SPICE1: variants seen among roughly 807,000 people sequenced by gnomAD.
The protein encoded by SPICE1 is spindle and centriole associated protein 1, also known as spindle and centriole-associated protein 1.
Under a neutral mutation model 102.7 loss-of-function variants are expected in SPICE1, and 75 were observed. That is an observed-to-expected ratio of 0.73 (90% CI 0.61 to 0.88). The LOEUF is 0.88. Ranked by LOEUF, SPICE1 falls within the 40% of genes least tolerant of loss-of-function variation. The pLI, the probability that SPICE1 is intolerant of heterozygous loss-of-function variation, is 0.00. For synonymous variants in SPICE1, 308 were observed against 350.3 expected, an observed-to-expected ratio of 0.88 and a Z score of 1.35; for missense variants, 979 against 1,020.1, an observed-to-expected ratio of 0.96 and a Z score of 0.55.
intron 7 of SPICE1, among the ~76,000 whole-genome samples, chr3:113,474,432 G>A (rs1040196885): frequency 2.0e-5 from 3 of 152,154 alleles, no homozygotes; most frequent in Non-Finnish European, 4.4e-5. Context: ...TCTGCACCAA[G>A]CAGACTTAAT....
chr3:113,475,510 A>G (rs1207282835), intron 7 of SPICE1, among the ~76,000 whole-genome samples: 1 of 152,078 alleles, frequency 6.6e-6, no homozygotes, highest in Admixed American at 6.6e-5. Context: ...AATATCCTTG[A>G]TGAACATTGA....
intron 1 of SPICE1, among the ~76,000 whole-genome samples, chr3:113,510,877 G>C (rs1937206856): frequency 6.6e-6 from 1 of 152,048 alleles, no homozygotes; most frequent in Admixed American, 6.6e-5. Context: ...ATCTGACAAA[G>C]GGCTAATATC....
At chr3:113,500,901 T>C (rs1936995419) in intron 3 of SPICE1, among the ~76,000 whole-genome samples, 1 of 152,158 alleles carries the variant, frequency 6.6e-6, no homozygotes. Context: ...GGCACATCCT[T>C]ATAAAGACAA....
At chr3:113,452,276 C>G (rs1935670519) in intron 14 of SPICE1, among the ~76,000 whole-genome samples, 1 of 152,208 alleles carries the variant, frequency 6.6e-6, no homozygotes, top group African/African-American at 2.4e-5. Context: ...CACTTGGGAA[C>G]TTATTAGAAA....
chr3:113,472,681 G>A (rs551090981), intron 7 of SPICE1, among the ~76,000 whole-genome samples: 2 of 152,318 alleles, frequency 1.3e-5, no homozygotes, highest in African/African-American at 4.8e-5. Context: ...AACAGGGTCT[G>A]GAGTGGACCT....
intron 1 of SPICE1, chr3:113,514,566 G>C: frequency 2.2e-6 from 1 of 447,762 alleles, no homozygotes; most frequent in South Asian, 1.6e-5. Context: ...CTCACACACA[G>C]TTGCAACCAT....
At chr3:113,511,117 C>A (rs142028030) in intron 1 of SPICE1, among the ~76,000 whole-genome samples, 1 of 152,166 alleles carries the variant, frequency 6.6e-6, no homozygotes, top group Non-Finnish European at 1.5e-5. Flanking sequence ...ACAACACATG[C>A]TGGCAAGACT....
At chr3:113,465,808 T>C in intron 10 of SPICE1, 24 bp from the exon 11 acceptor site, 9 of 1,603,756 alleles carry the variant, frequency 5.6e-6, no homozygotes, top group Non-Finnish European at 7.6e-6. Context: ...TCAAATAAAC[T>C]TCCACCAATA....
Position 113,484,682 on chromosome 3 carries a change from G to A in SPICE1, c.611+4263C>T, listed in dbSNP as rs569053044. ...GGTTGTTCAGTTTCCACGTAGTTGTGCGGTTTTGAGTGAGTTTCTTAATCC... is the reference window on the plus strand; with the variant it reads ...GGTTGTTCAGTTTCCACGTAGTTGTACGGTTTTGAGTGAGTTTCTTAATCC... On this transcript the variant is annotated intron_variant, in intron 7 of 17. Coordinates refer to ENST00000295872, the MANE Select transcript of SPICE1 (RefSeq NM_144718.4). Among the ~76,000 whole-genome samples, 3 of 143,176 alleles carry A rather than the reference G, an allele frequency of 2.1e-5. No homozygotes were observed. In the East Asian group the frequency reaches 6.8e-4, roughly 32 times the overall value. 93.9% of individuals were successfully genotyped at this position (143,176 alleles called of 152,430 possible).
rs116008633 is a variant in SPICE1, at chr3:113,449,364, A to G, written c.2323+972T>C. ...ATGTTCGCACATAGTACATGTTCAT[A>G]TATAGTTAATTGATTTATTTATTCT... On this transcript the variant is annotated intron_variant, in intron 15 of 17. Coordinates refer to ENST00000295872, the MANE Select transcript of SPICE1 (RefSeq NM_144718.4). The G allele has an allele frequency of 8.9e-3, 1,354 of 152,224 alleles. 23 individuals are homozygous for G. The highest frequency in any genetic ancestry group is 0.031 in the African/African-American group (1,291 of 41,498). 9.4% of individuals were successfully genotyped at this position (152,224 alleles called of 1,614,324 possible).
chr3:113,499,614 G>A, intron 3 of SPICE1, 32 bp from the exon 4 acceptor site: 1 of 1,536,116 alleles, frequency 6.5e-7, no homozygotes, highest in South Asian at 1.3e-5. Context: ...ATAAAGGAAT[G>A]TTTCAGACAC....
At chr3:113,512,296 G>A (rs375702088) in intron 1 of SPICE1, among the ~76,000 whole-genome samples, 1 of 151,742 alleles carries the variant, frequency 6.6e-6, no homozygotes, top group African/African-American at 2.4e-5. Flanking sequence ...TTGCCATCCA[G>A]CTTCATGAAA....
At chr3:113,489,202 T>A (rs1370965966) in intron 6 of SPICE1, 139 bp from the exon 7 acceptor site, 1 of 605,882 alleles carries the variant, frequency 1.7e-6, no homozygotes, top group African/African-American at 1.9e-5. Context: ...TCTTCTCACA[T>A]CCTTCCACTA....
At chr3:113,451,257 G>A (rs919011941) in intron 14 of SPICE1, among the ~76,000 whole-genome samples, 1 of 152,116 alleles carries the variant, frequency 6.6e-6, no homozygotes, top group Non-Finnish European at 1.5e-5. Context: ...TGATTGGAAA[G>A]AAATATGAGA....
chr3:113,452,699 G>C (rs887269654), intron 14 of SPICE1, among the ~76,000 whole-genome samples: 1 of 151,468 alleles, frequency 6.6e-6, no homozygotes, highest in Non-Finnish European at 1.5e-5. Context: ...AACAAAACAG[G>C]CTGGGCGCAG....
intron 10 of SPICE1, among the ~76,000 whole-genome samples, chr3:113,467,024 C>T (rs1936074477): frequency 6.6e-6 from 1 of 152,026 alleles, no homozygotes; most frequent in African/African-American, 2.4e-5. Flanking sequence ...TGCACCCTAG[C>T]CTGGGCAACA....
intron 7 of SPICE1, among the ~76,000 whole-genome samples, chr3:113,471,752 C>T (rs1031829731): frequency 6.6e-6 from 1 of 151,966 alleles, no homozygotes; most frequent in African/African-American, 2.4e-5. Context: ...AGAATAGGAA[C>T]ATAGAAAAGC....
chr3:113,458,847 G>A (rs374047148), intron 12 of SPICE1, among the ~76,000 whole-genome samples: 68 of 149,156 alleles, frequency 4.6e-4, no homozygotes, highest in African/African-American at 1.4e-3. Flanking sequence ...GGTGAAGAGC[G>A]CCTCTGCCCG....
In SPICE1 at chr3:113,457,140, C is replaced by T. The variant is rs1455448761; in HGVS notation, c.1653G>A (p.Gln551=). The change falls in exon 13 of 18, where the codon CAG becomes CAA. Residue 551 remains glutamine (Q), a synonymous_variant. Transcript: ENST00000295872. ...QKSNLKFSPL[Q]DVLRRTVQTR... ...TAACTTTAGAAGAAGACTTACCGTC[C>T]TGAAGAGGAGAGAATTTTAAGTTGC... 2 of 1,613,818 alleles carry T rather than the reference C, an allele frequency of 1.2e-6. No individual in the cohort carries two copies. The highest frequency in any genetic ancestry group is 1.3e-5 in the African/African-American group (1 of 74,904).
Sources: gnomAD v4.1 joint callset for allele counts (sites outside exome capture counted in the v4.1 genomes callset) on GRCh38, gnomAD v4.1.1 for gene constraint, MANE v1.5 for transcripts, NCBI Gene and HGNC (gene_info 2026-07-23, HGNC 2026-07-21) for gene names.